Variants in GRAMD4 observed in about 807,000 individuals in gnomAD.
GRAMD4 encodes the protein GRAM domain containing 4.
Under a neutral mutation model 83.9 loss-of-function variants are expected in GRAMD4, and 25 were observed. The ratio of observed to expected loss-of-function variants is 0.30; its 90% confidence interval spans 0.22 to 0.42. The LOEUF is 0.42. Ranked by LOEUF, GRAMD4 falls within the 10% of genes least tolerant of loss-of-function variation. GRAMD4 has a pLI of 1.00. For missense variants in GRAMD4, 593 were observed against 788.7 expected (o/e 0.75, Z 2.97); for synonymous variants, 336 against 320.9 (o/e 1.05, Z -0.50).
upstream of GRAMD4, among the ~76,000 whole-genome samples, chr22:46,616,751 T>C (rs547054586): frequency 3.2e-3 from 445 of 139,188 alleles, 4 homozygotes; most frequent in Middle Eastern, 7.8e-3. Flanking sequence ...CAGGTTCCCC[T>C]GTGTGTGTGG....
At chr22:46,588,140 C>T (rs1461313752) in intron 1 of GRAMD4, among the ~76,000 whole-genome samples, 2 of 152,120 alleles carry the variant, frequency 1.3e-5, no homozygotes, top group Non-Finnish European at 2.9e-5. Flanking sequence ...AACCGGACAT[C>T]TAGAGCTGTG....
chr22:46,651,075 G>A (rs1273193706), intron 3 of GRAMD4, among the ~76,000 whole-genome samples: 1 of 152,238 alleles, frequency 6.6e-6, no homozygotes, highest in Non-Finnish European at 1.5e-5. Flanking sequence ...ACGTACCCGG[G>A]CCATCTCGCT....
At chr22:46,656,036 G>A (rs1216599145) in intron 3 of GRAMD4, among the ~76,000 whole-genome samples, 1 of 152,180 alleles carries the variant, frequency 6.6e-6, no homozygotes, top group African/African-American at 2.4e-5. Context: ...AGCCCGCAGG[G>A]ACAGGCCCAG....
At chr22:46,658,129 C>T in intron 3 of GRAMD4, 58 bp from the exon 4 acceptor site, 2 of 1,608,590 alleles carry the variant, frequency 1.2e-6, no homozygotes, top group Non-Finnish European at 8.5e-7. Flanking sequence ...CCCAGCATCC[C>T]AGAGTCGGGG....
At position 46,657,853 on chromosome 22, in the gene GRAMD4, G is replaced by A. The variant is rs146263202; in HGVS notation, c.284-334G>A. Among the ~76,000 whole-genome samples, 29 of 152,328 alleles carry A rather than the reference G, an allele frequency of 1.9e-4. 1 individual carries two copies. The South Asian group carries it at 4.1e-3, about 22-fold the overall frequency. ...CGTCCTTTCCGCAGGTGTCCTCAGC[G>A]TGGCGGTGCTTGGTGAAATGGCTTT... On this transcript the variant is annotated intron_variant, in intron 3 of 18. Coordinates refer to ENST00000406902, the MANE Select transcript of GRAMD4 (RefSeq NM_015124.5).
At chr22:46,644,240 T>G (rs2082032132) in intron 3 of GRAMD4, among the ~76,000 whole-genome samples, 1 of 152,202 alleles carries the variant, frequency 6.6e-6, no homozygotes, top group African/African-American at 2.4e-5. Context: ...CTGTTCCGTG[T>G]TACAACTGTC....
At position 46,666,849 on chromosome 22, in the gene GRAMD4, C is replaced by A. The variant is rs375236476; in HGVS notation, c.834C>A (p.Ile278=). The A allele has an allele frequency of 6.2e-7, 1 of 1,606,424 alleles. No homozygotes were observed. Among genetic ancestry groups the A allele is most frequent in the Admixed American group, 1.7e-5 (1 of 59,118 alleles). ...GGGGGTGGCGGATACAGTGGAGCAT[C>A]GTGCCCGAAGTGTCTGAGCCCGTGG... ...IARGWRIQWS[I]VPEVSEPVEP... The change falls in exon 10 of 19, where the codon ATC becomes ATA. Residue 278 remains isoleucine, a synonymous_variant. Transcript: ENST00000406902.
intron 1 of GRAMD4, among the ~76,000 whole-genome samples, 163 bp from the exon 2 acceptor site, chr22:46,626,588 C>T (rs1194524762): frequency 1.4e-5 from 2 of 146,168 alleles, no homozygotes; most frequent in African/African-American, 5.6e-5. Flanking sequence ...TGGGAGCTGG[C>T]TCGTGGGGCT....
chr22:46,678,184 G>A lies in GRAMD4; in HGVS notation c.*933G>A. 2.0e-6 allele frequency: 2 copies of A among 985,388 alleles called. No homozygotes were observed. Among genetic ancestry groups the A allele is most frequent in the Non-Finnish European group, 2.4e-6 (2 of 829,844 alleles). 61.0% of individuals were successfully genotyped at this position (985,388 alleles called of 1,614,324 possible). On this transcript the variant is annotated 3_prime_UTR_variant, in exon 19 of 19. Coordinates refer to ENST00000406902, the MANE Select transcript of GRAMD4 (RefSeq NM_015124.5). ...CCCCAGGCTGCGGTTGCCTGGGTTG[G>A]TTGGGGGAGGAAGTGGGGAGGAGTG... is the stretch of plus-strand genomic sequence containing the variant.
intron 1 of GRAMD4, among the ~76,000 whole-genome samples, chr22:46,600,262 A>T (rs1183521372): frequency 6.6e-6 from 1 of 152,160 alleles, no homozygotes; most frequent in African/African-American, 2.4e-5. Context: ...AGGGTCTCCT[A>T]AAGCCCCATC....
Position 46,679,136 on chromosome 22 carries a change from C to T in GRAMD4, c.*1885C>T, listed in dbSNP as rs2082640680. The T allele has an allele frequency of 2.0e-6, 2 of 985,532 alleles. No homozygotes were observed. The highest frequency in any genetic ancestry group is 2.4e-6 in the Non-Finnish European group (2 of 829,990). 61.0% of individuals were successfully genotyped at this position (985,532 alleles called of 1,614,324 possible). A position where few individuals can be genotyped will look rare whatever the true frequency, so the allele number is the denominator to read the frequency against. ...AGAGGCAGTGCCCGCAGACAATGGC[C>T]ACACCTCTCTCCCCAGGGCCCGGCA... On this transcript the variant is annotated 3_prime_UTR_variant, in exon 19 of 19. Coordinates refer to ENST00000406902, the MANE Select transcript of GRAMD4 (RefSeq NM_015124.5).
intron 17 of GRAMD4, among the ~76,000 whole-genome samples, chr22:46,676,328 G>T (rs1168103846): frequency 6.6e-6 from 1 of 152,196 alleles, no homozygotes; most frequent in Non-Finnish European, 1.5e-5. Context: ...CCTACCGTCA[G>T]CCTCCTCAGG....
chr22:46,644,281 A>G (rs574422263), intron 3 of GRAMD4, among the ~76,000 whole-genome samples: 21 of 147,802 alleles, frequency 1.4e-4, no homozygotes, highest in Non-Finnish European at 1.0e-4. Flanking sequence ...TCCCTGTTCC[A>G]TGTTACACCT....
In GRAMD4 at chr22:46,679,734, AT is replaced by A. The variant is rs1463695269; in HGVS notation, c.*2485del. 1.1e-5 allele frequency: 11 copies of A among 967,044 alleles called. No individual in the cohort carries two copies. Among genetic ancestry groups the A allele is most frequent in the Non-Finnish European group, 1.4e-5 (11 of 813,158 alleles). The allele number at this position is 967,044 out of a possible 1,614,324, so 59.9% of individuals were successfully genotyped here. On this transcript the variant is annotated 3_prime_UTR_variant, in exon 19 of 19. Transcript: ENST00000406902. ...AACTTTGTTTGTTTAAAGAAAAAGTATTGTATAAATTATAATTTTTATTTAA... is the reference window on the plus strand; with the variant it reads ...AACTTTGTTTGTTTAAAGAAAAAGTATGTATAAATTATAATTTTTATTTAA...
rs1413927519 is a variant in GRAMD4, at chr22:46,621,705, G to A, written c.-50+1140G>A. Among the ~76,000 whole-genome samples, 3 of 150,132 alleles carry A rather than the reference G, an allele frequency of 2.0e-5. No homozygotes were observed. Among genetic ancestry groups the A allele is most frequent in the Non-Finnish European group, 3.0e-5 (2 of 67,562 alleles). On this transcript the variant is annotated intron_variant, in intron 1 of 18. Coordinates refer to ENST00000406902, the MANE Select transcript of GRAMD4 (RefSeq NM_015124.5). This position sits in a 1 kb window ranked among gnomAD's most constrained non-coding sequence, Gnocchi z 5.8. The stretch of plus-strand genomic sequence containing the variant: ...CAGGCACAGGCTGGAGGCGTAGCCC[G>A]GGCCCGTCCCTGGCGCTGTGTCGCG...
At chr22:46,680,535 T>C (rs2082655293), downstream of GRAMD4, among the ~76,000 whole-genome samples, 1 of 114,726 alleles carries the variant, frequency 8.7e-6, no homozygotes, top group East Asian at 2.5e-4. Context: ...CATCCATTCA[T>C]CCACATCTGT....
upstream of GRAMD4, among the ~76,000 whole-genome samples, chr22:46,576,941 C>T (rs2081047147): frequency 6.9e-6 from 1 of 145,768 alleles, no homozygotes; most frequent in Non-Finnish European, 1.5e-5. Context: ...AGCTGGCGCA[C>T]GCGGACCCGC....
chr22:46,620,449 G>A lies in GRAMD4; in HGVS notation c.-166G>A. 1 of 985,382 alleles carries A rather than the reference G, an allele frequency of 1.0e-6. No homozygotes were observed. Among genetic ancestry groups the A allele is most frequent in the Non-Finnish European group, 1.2e-6 (1 of 829,914 alleles). 61.0% of individuals were successfully genotyped at this position (985,382 alleles called of 1,614,324 possible). The stretch of plus-strand genomic sequence containing the variant: ...CACCACCCTCTCCGTGCCTGCTGGT[G>A]TTGGGCGGCTTGGAGGCTATGGTTC... On this transcript the variant is annotated 5_prime_UTR_variant, in exon 1 of 19. Transcript: ENST00000406902. The surrounding 1 kb of genome is among the most constrained non-coding windows in gnomAD (Gnocchi z 4.7).
intron 3 of GRAMD4, among the ~76,000 whole-genome samples, chr22:46,643,295 T>TTATC (rs2082016671): frequency 2.9e-5 from 3 of 102,912 alleles, no homozygotes; most frequent in Admixed American, 1.0e-4. Context: ...ATCCATCCAT[T>TTATC]CATCCATCCA....
Sources: gnomAD v4.1 joint callset for allele counts (sites outside exome capture counted in the v4.1 genomes callset) on GRCh38, gnomAD v4.1.1 for gene constraint, Gnocchi (gnomAD v3.1) non-coding constraint, MANE v1.5 for transcripts, NCBI Gene and HGNC (gene_info 2026-07-23, HGNC 2026-07-21) for gene names.